KCP: variants seen among roughly 807,000 people sequenced by gnomAD.
KCP encodes kielin/chordin-like protein.
Under a neutral mutation model 212.7 loss-of-function variants are expected in KCP, and 194 were observed. That is an observed-to-expected ratio of 0.91 (90% CI 0.81 to 1.03). The LOEUF (loss-of-function observed/expected upper bound fraction) is 1.03. Among genes scored for constraint, KCP ranks in the 50% least tolerant of loss-of-function variants. The pLI, the probability that KCP is intolerant of heterozygous loss-of-function variation, is 0.00. For missense variants in KCP, 2,080 were observed against 2,162.5 expected (o/e 0.96, Z 0.76); for synonymous variants, 833 against 865.3 (o/e 0.96, Z 0.65).
Position 128,880,101 on chromosome 7 carries a change from G to A in KCP, c.3760-16C>T, listed in dbSNP as rs1191021275. 5 of 1,505,424 alleles carry A rather than the reference G, an allele frequency of 3.3e-6. No individual in the cohort carries two copies. Among genetic ancestry groups the A allele is most frequent in the South Asian group, 1.3e-5 (1 of 78,722 alleles). The allele number at this position is 1,505,424 out of a possible 1,614,324, so 93.3% of individuals were successfully genotyped here. ...GGGCCTTGTCCTGCACTCAGCCCCA[G>A]ACACTGTCAGACACACCGCCCTCCC... is the stretch of plus-strand genomic sequence containing the variant. On this transcript the variant is annotated splice_polypyrimidine_tract_variant and intron_variant, in intron 34 of 39. Coordinates refer to ENST00000610776, the MANE Select transcript of KCP (RefSeq NM_001366122.1).
intron 28 of KCP, among the ~76,000 whole-genome samples, chr7:128,884,344 G>A (rs1293618037): frequency 1.3e-5 from 2 of 152,176 alleles, no homozygotes; most frequent in African/African-American, 4.8e-5. Context: ...AAGTCACTTG[G>A]GCCTGAGCCC....
chr7:128,892,824 TGG>T (rs1311253066), intron 14 of KCP, 30 bp from the exon 15 acceptor site: 1 of 1,550,400 alleles, frequency 6.4e-7, no homozygotes, highest in Non-Finnish European at 8.7e-7. Context: ...CAGGGTGAGC[TGG>T]GTAATGCAGG....
chr7:128,884,376 G>A (rs113972988), intron 28 of KCP, among the ~76,000 whole-genome samples: 38 of 152,080 alleles, frequency 2.5e-4, no homozygotes, highest in African/African-American at 4.6e-4. Context: ...TTGATCCTCC[G>A]GCAGGCTCAT....
chr7:128,891,740 G>T lies in KCP; in HGVS notation c.1701C>A (p.Cys567Ter). Residue 567 changes from cysteine (C) to a stop codon, truncating the protein, a stop_gained, in exon 17 of 40, where the codon TGC (cysteine) becomes TGA (stop). Transcript: ENST00000610776. LOFTEE classifies it high-confidence loss of function. Reference protein sequence around the residue: ...HPRDPCQECRCQEGHAHCQPR... With the variant: ...HPRDPCQECR ...GCTGGCAGTGGGCATGGCCTTCCTG[G>T]CATCGGCACTCCTGGCAGGGGTCTC... The T allele has an allele frequency of 1.4e-6, 2 of 1,445,796 alleles. No individual in the cohort carries two copies. Among genetic ancestry groups the T allele is most frequent in the Non-Finnish European group, 9.1e-7 (1 of 1,097,150 alleles). The allele number at this position is 1,445,796 out of a possible 1,614,324, so 89.6% of individuals were successfully genotyped here.
At chr7:128,903,655 GGGCTCTGGAATTCA>G in intron 7 of KCP, 58 bp downstream of exon 7, 1 of 1,285,748 alleles carries the variant, frequency 7.8e-7, no homozygotes, top group Non-Finnish European at 1.1e-6. Context: ...CCGGCAAGGT[GGGCTCTGGAATTCA>G]AGAAATGGCA....
At chr7:128,908,282 G>A in intron 2 of KCP, 144 bp downstream of exon 2, 1 of 589,794 alleles carries the variant, frequency 1.7e-6, no homozygotes, top group Non-Finnish European at 2.5e-6. Context: ...AAGAAAGAAA[G>A]AAAGAAAGAA....
At position 128,894,184 on chromosome 7, in the gene KCP, C is replaced by T. The variant is rs1373598666; in HGVS notation, c.925+16G>A. 2 of 1,516,926 alleles carry T rather than the reference C, an allele frequency of 1.3e-6. No individual in the cohort carries two copies. The highest frequency in any genetic ancestry group is 1.8e-6 in the Non-Finnish European group (2 of 1,125,164). 94.0% of individuals were successfully genotyped at this position (1,516,926 alleles called of 1,614,324 possible). On this transcript the variant is annotated intron_variant, in intron 9 of 39. Coordinates refer to ENST00000610776, the MANE Select transcript of KCP (RefSeq NM_001366122.1). The stretch of plus-strand genomic sequence containing the variant: ...TGCCCACCATGGTCAGGCCTCTGCC[C>T]TACCCACTGACTCACCATCACACAC...
At position 128,877,054 on chromosome 7, in the gene KCP, C is replaced by G. The variant is rs1793028308; in HGVS notation, c.4876G>C (p.Glu1626Gln). 3.3e-6 allele frequency: 5 copies of G among 1,530,036 alleles called. No homozygotes were observed. The East Asian group carries it at 1.2e-4, about 38-fold the overall frequency. The allele number at this position is 1,530,036 out of a possible 1,614,324, so 94.8% of individuals were successfully genotyped here. ...GGCACTGTCCTGGCTCAGGGTGTCT[C>G]CTGGGGCTCCCGGCTGGGGCTGGGC... ...ARPSPSREPQ[E>Q]TP The change falls in exon 40 of 40, where the codon GAG becomes CAG. Residue 1626 changes from glutamate to glutamine, a missense_variant. Coordinates refer to ENST00000610776, the MANE Select transcript of KCP (RefSeq NM_001366122.1).
intron 8 of KCP, among the ~76,000 whole-genome samples, chr7:128,899,274 A>C (rs879367718): frequency 6.6e-6 from 1 of 152,218 alleles, no homozygotes; most frequent in Non-Finnish European, 1.5e-5. Flanking sequence ...TTCCTTATCA[A>C]TTGTGGCTTT....
chr7:128,890,887 G>T lies in KCP; in HGVS notation c.2164+18C>A. 2.4e-6 allele frequency: 3 copies of T among 1,249,786 alleles called. No homozygotes were observed. The highest frequency in any genetic ancestry group is 1.0e-6 in the Non-Finnish European group (1 of 1,001,360). 77.4% of individuals were successfully genotyped at this position (1,249,786 alleles called of 1,614,324 possible). A position where few individuals can be genotyped will look rare whatever the true frequency, so the allele number is the denominator to read the frequency against. ...GGCAGGACGCGGGTGGCCGGGAGGGGCACCGCCAGGGCGTTACCGTCGCAG... is the reference window on the plus strand; with the variant it reads ...GGCAGGACGCGGGTGGCCGGGAGGGTCACCGCCAGGGCGTTACCGTCGCAG... On this transcript the variant is annotated intron_variant, in intron 20 of 39. Transcript: ENST00000610776.
At chr7:128,883,901 T>A (rs563945417) in intron 29 of KCP, 101 bp downstream of exon 29, 4 of 1,397,346 alleles carry the variant, frequency 2.9e-6, no homozygotes, top group Non-Finnish European at 3.8e-6. Flanking sequence ...AACAGTCCAC[T>A]GGAGTCAGGA....
chr7:128,904,192 C>T (rs1795006836), intron 5 of KCP, 54 bp from the exon 6 acceptor site: 4 of 1,528,094 alleles, frequency 2.6e-6, no homozygotes, highest in South Asian at 2.4e-5. Flanking sequence ...GGTGGGTGGA[C>T]ATCACTTGAG....
intron 8 of KCP, among the ~76,000 whole-genome samples, chr7:128,898,523 C>G (rs1419411128): frequency 6.6e-6 from 1 of 152,222 alleles, no homozygotes; most frequent in Non-Finnish European, 1.5e-5. Flanking sequence ...TAGTTAAAAT[C>G]CTGAACTTAC....
At position 128,907,172 on chromosome 7, in the gene KCP, T is replaced by G. The variant is rs1267520534; in HGVS notation, c.415A>C (p.Ser139Arg). The G allele has an allele frequency of 6.4e-7, 1 of 1,551,494 alleles. No homozygotes were observed. The highest frequency in any genetic ancestry group is 8.7e-7 in the Non-Finnish European group (1 of 1,146,860). The change falls in exon 4 of 40, where the codon AGC becomes CGC. Residue 139 changes from serine (S) to arginine (R), a missense_variant. Coordinates refer to ENST00000610776, the MANE Select transcript of KCP (RefSeq NM_001366122.1). ...TTGCCGTAGGTCTGGCCATTTTGGC[T>G]GCAGCCTAAGGAGACAGCAGTGTCA... ...QAHLPHCRGC[S>R]QNGQTYGNGE...
rs1057454584 is a variant in KCP at position 128,878,557 on chromosome 7, C to T, written c.4311+1G>A. On this transcript the variant is annotated splice_donor_variant, in intron 38 of 39. Transcript: ENST00000610776. LOFTEE classifies it high-confidence loss of function. The stretch of plus-strand genomic sequence containing the variant: ...CCATCCCCGGTTCCTGTACCACTCA[C>T]CTGCCAGCTATTCCCAAACGCAGCC... The T allele has an allele frequency of 1.3e-5, 20 of 1,550,768 alleles. No homozygotes were observed. The African/African-American group carries it at 1.9e-4, about 15-fold the overall frequency.
intron 21 of KCP, among the ~76,000 whole-genome samples, 167 bp from the exon 22 acceptor site, chr7:128,889,206 G>T (rs2128946763): frequency 6.6e-6 from 1 of 151,660 alleles, no homozygotes; most frequent in Middle Eastern, 3.4e-3. Context: ...GTCGTGAGGG[G>T]GGCGGGGTTT....
At chr7:128,898,948 A>G (rs909528796) in intron 8 of KCP, among the ~76,000 whole-genome samples, 1 of 152,254 alleles carries the variant, frequency 6.6e-6, no homozygotes, top group Non-Finnish European at 1.5e-5. Flanking sequence ...TAAAACATTT[A>G]TAAAAATCTT....
intron 5 of KCP, among the ~76,000 whole-genome samples, chr7:128,905,550 CCA>C: frequency 6.6e-6 from 1 of 152,338 alleles, no homozygotes; most frequent in Admixed American, 6.5e-5. Context: ...CAGCCCACTG[CCA>C]TCCCTGGCTC....
chr7:128,886,586 C>T (rs1793659790), intron 25 of KCP, 29 bp from the exon 26 acceptor site: 1 of 1,550,784 alleles, frequency 6.4e-7, no homozygotes, highest in Admixed American at 2.0e-5. Context: ...CACTGGCTCG[C>T]TGCCTAGGCT....
Sources: allele counts gnomAD v4.1 joint callset (sites outside exome capture counted in the v4.1 genomes callset), GRCh38; gene constraint gnomAD v4.1.1; transcripts MANE v1.5; gene names NCBI Gene and HGNC (gene_info 2026-07-23, HGNC 2026-07-21).